The following LRRC4C variants were observed in gnomAD, a reference collection of about 807,000 sequenced individuals.
LRRC4C encodes the protein leucine-rich repeat-containing protein 4C.
Under a neutral mutation model 33.6 loss-of-function variants are expected in LRRC4C, and 5 were observed. The ratio of observed to expected loss-of-function variants is 0.15; its 90% CI spans 0.08 to 0.31. The LOEUF (loss-of-function observed/expected upper bound fraction) is 0.31. Among genes scored for constraint, LRRC4C ranks in the 10% least tolerant of loss-of-function variants. LRRC4C has a pLI of 1.00. For missense variants in LRRC4C, 560 were observed against 796.7 expected, an observed-to-expected ratio of 0.70 and a Z score of 3.58; for synonymous variants, 329 against 302.0, an observed-to-expected ratio of 1.09 and a Z score of -0.93.
chr11:41,145,747 G>A (rs1279619518), intron 1 of LRRC4C, among the ~76,000 whole-genome samples: 1 of 152,096 alleles, frequency 6.6e-6, no homozygotes, highest in Non-Finnish European at 1.5e-5. Flanking sequence ...CCTTGGCACC[G>A]AGTTGGTGTT....
At chr11:41,002,189 T>C (rs1854428589) in intron 1 of LRRC4C, among the ~76,000 whole-genome samples, 1 of 152,182 alleles carries the variant, frequency 6.6e-6, no homozygotes, top group South Asian at 2.1e-4. Context: ...GTAACAGACC[T>C]CTGATGGAGT....
At chr11:41,440,441 T>C (rs1035143184) in intron 1 of LRRC4C, among the ~76,000 whole-genome samples, 1 of 152,092 alleles carries the variant, frequency 6.6e-6, no homozygotes, top group African/African-American at 2.4e-5. Flanking sequence ...CTCCTTTTAA[T>C]TTTTACTTTT....
At chr11:41,163,284 G>GTTTTGTTTTTTTT (rs1944556600) in intron 1 of LRRC4C, among the ~76,000 whole-genome samples, 1 of 73,382 alleles carries the variant, frequency 1.4e-5, no homozygotes, top group Non-Finnish European at 2.4e-5. Flanking sequence ...TACTGTAACT[G>GTTTTGTTTTTTTT]TTTTTTTTTT....
At chr11:40,782,797 A>G (rs1375748609) in intron 2 of LRRC4C, among the ~76,000 whole-genome samples, 1 of 152,156 alleles carries the variant, frequency 6.6e-6, no homozygotes, top group African/African-American at 2.4e-5. Context: ...ATTATGGTAA[A>G]AAGTCTTTCT....
At position 41,067,151 on chromosome 11, in the gene LRRC4C, T is replaced by C. The variant is rs954397326; in HGVS notation, c.-495-133428A>G. Among the ~76,000 whole-genome samples, 18 of 152,292 alleles carry C rather than the reference T, an allele frequency of 1.2e-4. No individual in the cohort carries two copies. The East Asian group carries it at 3.5e-3, about 29-fold the overall frequency. ...TGAATAAAGAGTCAAGACCCATCAATGTGCGGTATTCAGGAGAGCCATCTC... is the reference window on the plus strand; with the variant it reads ...TGAATAAAGAGTCAAGACCCATCAACGTGCGGTATTCAGGAGAGCCATCTC... On this transcript the variant is annotated intron_variant, in intron 1 of 6. Coordinates refer to ENST00000528697, the MANE Select transcript of LRRC4C (RefSeq NM_001258419.2).
intron 4 of LRRC4C, among the ~76,000 whole-genome samples, chr11:40,274,414 GACACACACATACAC>G (rs1368793181): frequency 4.8e-5 from 3 of 63,088 alleles, no homozygotes; most frequent in Non-Finnish European, 6.6e-5. Flanking sequence ...CTGCGGAATA[GACACACACATACAC>G]ACACACACAC....
rs1858495192 is a variant in LRRC4C at position 40,154,311 on chromosome 11, C to CAAAAAAAA, written c.-95-13459_-95-13458insTTTTTTTT. ...GCAAAAAAAAAAAAAAAACAAAAAG[C>CAAAAAAAA]AAAGTACACAGGCAACAAAGAACAC... On this transcript the variant is annotated intron_variant, in intron 5 of 6. Transcript: ENST00000528697. Among the ~76,000 whole-genome samples, 251 of 137,620 alleles carry CAAAAAAAA rather than the reference C, an allele frequency of 1.8e-3. 1 individual carries two copies. The highest frequency in any genetic ancestry group is 6.5e-3 in the African/African-American group (240 of 36,920). 90.3% of individuals were successfully genotyped at this position (137,620 alleles called of 152,430 possible). A position where few individuals can be genotyped will look rare whatever the true frequency, so the allele number is the denominator to read the frequency against.
chr11:40,159,044 T>C lies in LRRC4C; in HGVS notation c.-95-18191A>G, dbSNP rs138750291. On this transcript the variant is annotated intron_variant, in intron 5 of 6. Coordinates refer to ENST00000528697, the MANE Select transcript of LRRC4C (RefSeq NM_001258419.2). ...GACAGATAGTGGAGTTGGGGATGGATTGTAATTATACTACACTGCGAAAAA... is the reference window on the plus strand; with the variant it reads ...GACAGATAGTGGAGTTGGGGATGGACTGTAATTATACTACACTGCGAAAAA... 4.9e-3 allele frequency among the ~76,000 whole-genome samples: 750 copies of C among 152,266 alleles called. 7 individuals are homozygous for C. The highest frequency in any genetic ancestry group is 0.017 in the African/African-American group (723 of 41,548).
At chr11:41,398,953 C>T (rs1201857444) in intron 1 of LRRC4C, among the ~76,000 whole-genome samples, 3 of 151,936 alleles carry the variant, frequency 2.0e-5, no homozygotes, top group African/African-American at 7.2e-5. Flanking sequence ...TGACTACCAT[C>T]AAACATATTC....
chr11:40,771,090 A>G (rs60756458), intron 2 of LRRC4C, among the ~76,000 whole-genome samples: 4,055 of 152,310 alleles, frequency 0.027, 195 homozygotes, highest in African/African-American at 0.094. Flanking sequence ...TCCCTTCTGC[A>G]CTGCCTTAGC....
At position 41,098,070 on chromosome 11, in the gene LRRC4C, G is replaced by A. The variant is rs148179885; in HGVS notation, c.-495-164347C>T. On this transcript the variant is annotated intron_variant, in intron 1 of 6. Coordinates refer to ENST00000528697, the MANE Select transcript of LRRC4C (RefSeq NM_001258419.2). The stretch of plus-strand genomic sequence containing the variant: ...ATATGCCTGAAAGCAGAGAGACTCT[G>A]GAGGTGAAGAGTAAGCCAAATAACA... 2.3e-4 allele frequency among the ~76,000 whole-genome samples: 35 copies of A among 152,196 alleles called. No homozygotes were observed. The East Asian group carries it at 6.6e-3, about 29-fold the overall frequency.
chr11:41,349,436 A>C (rs1435420964), intron 1 of LRRC4C, among the ~76,000 whole-genome samples: 1 of 152,096 alleles, frequency 6.6e-6, no homozygotes, highest in African/African-American at 2.4e-5. Context: ...GCATATGCTT[A>C]AACTTAAGGG....
At chr11:40,612,173 T>A (rs953253327) in intron 3 of LRRC4C, among the ~76,000 whole-genome samples, 1 of 151,774 alleles carries the variant, frequency 6.6e-6, no homozygotes, top group African/African-American at 2.4e-5. Flanking sequence ...ATAAAGAAAA[T>A]GTGGTATATA....
At chr11:41,107,034 A>G (rs556524387) in intron 1 of LRRC4C, among the ~76,000 whole-genome samples, 2 of 147,122 alleles carry the variant, frequency 1.4e-5, no homozygotes, top group Non-Finnish European at 1.5e-5. Context: ...TAAATACTTG[A>G]GACCAGAAGC....
chr11:40,258,200 T>A (rs892316316), intron 4 of LRRC4C, among the ~76,000 whole-genome samples: 1 of 152,092 alleles, frequency 6.6e-6, no homozygotes, highest in African/African-American at 2.4e-5. Context: ...TGTGCTCAAC[T>A]CCTTGGTCTT....
chr11:40,833,983 G>C (rs1041965831), intron 2 of LRRC4C, among the ~76,000 whole-genome samples: 1 of 151,974 alleles, frequency 6.6e-6, no homozygotes, highest in Non-Finnish European at 1.5e-5. Context: ...TTTCTACCCT[G>C]TACTTCTTTA....
chr11:40,206,634 T>G (rs1258035733), intron 5 of LRRC4C, among the ~76,000 whole-genome samples: 3 of 152,172 alleles, frequency 2.0e-5, no homozygotes, highest in African/African-American at 7.2e-5. Context: ...CTGATTGGAA[T>G]GACTTTGGGT....
chr11:41,158,571 C>A (rs951409407), intron 1 of LRRC4C, among the ~76,000 whole-genome samples: 7 of 152,134 alleles, frequency 4.6e-5, no homozygotes, highest in African/African-American at 1.7e-4. Context: ...GGCAACATAC[C>A]TTTTTTCCAG....
chr11:40,591,866 G>A (rs1053072446), intron 3 of LRRC4C, among the ~76,000 whole-genome samples: 13 of 152,268 alleles, frequency 8.5e-5, no homozygotes, highest in Admixed American at 2.6e-4. Context: ...TACAACTAGG[G>A]ACTTTGCATA....
Sources: allele counts gnomAD v4.1 joint callset (sites outside exome capture counted in the v4.1 genomes callset), GRCh38; gene constraint gnomAD v4.1.1; transcripts MANE v1.5; gene names NCBI Gene and HGNC (gene_info 2026-07-23, HGNC 2026-07-21).